Variants in CUBN observed in about 807,000 individuals in gnomAD.
CUBN encodes cubilin.
In CUBN, 282 loss-of-function variants were observed where a neutral mutation model predicts 405.3. The ratio of observed to expected loss-of-function variants is 0.70; its 90% CI spans 0.63 to 0.77. CUBN has a LOEUF of 0.77. Among genes scored for constraint, CUBN ranks in the 30% least tolerant of loss-of-function variants. The pLI is 0.00. For missense variants in CUBN, 4,514 were observed against 4,475.2 expected (o/e 1.01, Z -0.25); for synonymous variants, 1,684 against 1,617.0 (o/e 1.04, Z -0.99).
intron 19 of CUBN, among the ~76,000 whole-genome samples, chr10:17,069,561 T>C (rs1835690037): frequency 6.6e-6 from 1 of 152,224 alleles, no homozygotes; most frequent in South Asian, 2.1e-4. Context: ...TTCTTTTTTT[T>C]GATACAGGGT....
At chr10:16,944,983 T>C (rs1030426806) in intron 36 of CUBN, among the ~76,000 whole-genome samples, 13 of 152,256 alleles carry the variant, frequency 8.5e-5, no homozygotes, top group African/African-American at 3.1e-4. Flanking sequence ...TTCACAGTCC[T>C]AGAAATTTGA....
intron 59 of CUBN, among the ~76,000 whole-genome samples, chr10:16,853,868 C>T (rs757977489): frequency 3.9e-5 from 6 of 152,060 alleles, no homozygotes; most frequent in Non-Finnish European, 5.9e-5. Context: ...CACAGAAGAA[C>T]GATGACTGAG....
chr10:16,828,726 A>G, intron 66 of CUBN, 79 bp downstream of exon 66: 1 of 1,215,266 alleles, frequency 8.2e-7, no homozygotes, highest in Non-Finnish European at 1.2e-6. Flanking sequence ...CCATCTTAAA[A>G]AAAAAAAAAG....
chr10:16,875,799 G>C (rs1158061387), intron 57 of CUBN, among the ~76,000 whole-genome samples: 4 of 152,224 alleles, frequency 2.6e-5, no homozygotes, highest in Non-Finnish European at 5.9e-5. Context: ...CTACTTCCTT[G>C]TAGGAAAATG....
chr10:17,066,462 C>T (rs943072060), intron 21 of CUBN, among the ~76,000 whole-genome samples: 4 of 151,392 alleles, frequency 2.6e-5, no homozygotes, highest in Admixed American at 1.3e-4. Flanking sequence ...ATGTTGAGTA[C>T]GGGAAATGGA....
intron 31 of CUBN, among the ~76,000 whole-genome samples, chr10:16,963,420 C>G (rs1046400829): frequency 1.3e-5 from 2 of 151,948 alleles, no homozygotes; most frequent in Non-Finnish European, 2.9e-5. Context: ...CTCCTGACCT[C>G]AAGCAATCCA....
rs371929088 is a variant in CUBN at position 17,041,245 on chromosome 10, A to G, written c.3830-25T>C. ...GCTGGAAAAAGAAATGACTGTTAAG[A>G]ACCACTATTATATACTTCATAAGTG... On this transcript the variant is annotated intron_variant, in intron 26 of 66. Transcript: ENST00000377833. The G allele has an allele frequency of 2.3e-5, 36 of 1,586,828 alleles. No homozygotes were observed. In the East Asian group the frequency reaches 7.6e-4, roughly 34 times the overall value.
intron 17 of CUBN, 122 bp from the exon 18 acceptor site, chr10:17,072,093 C>T: frequency 1.3e-6 from 1 of 760,188 alleles, no homozygotes. Context: ...ATTTGAGTTA[C>T]ATATTTCTAT....
chr10:16,928,272 A>T lies in CUBN; in HGVS notation c.6156T>A (p.Val2052=), dbSNP rs747700152. 1.2e-5 allele frequency: 20 copies of T among 1,613,954 alleles called. No individual in the cohort carries two copies. Among genetic ancestry groups the T allele is most frequent in the Non-Finnish European group, 1.6e-5 (19 of 1,179,890 alleles). ...GDNNLAQQLA[V]LCGREIPGPI... Reference sequence around the variant, plus strand: ...GCCCAGGGATCTCTCTGCCACAGAGAACTGCTAGCTGCTGGGCCAAGTTAT... The same window carrying T: ...GCCCAGGGATCTCTCTGCCACAGAGTACTGCTAGCTGCTGGGCCAAGTTAT... The change falls in exon 41 of 67, where the codon GTT becomes GTA. Residue 2052 remains valine (V), a synonymous_variant. Transcript: ENST00000377833.
chr10:17,020,464 TG>T (rs1305918280), intron 27 of CUBN, among the ~76,000 whole-genome samples: 1 of 152,172 alleles, frequency 6.6e-6, no homozygotes, highest in African/African-American at 2.4e-5. Context: ...TCATAGAAAA[TG>T]GGGTAGCCAT....
Position 16,960,751 on chromosome 10 carries a change from G to T in CUBN, c.4696-6203C>A, listed in dbSNP as rs572565939. 1.2e-4 allele frequency among the ~76,000 whole-genome samples: 18 copies of T among 152,224 alleles called. 1 individual carries two copies. Among genetic ancestry groups the T allele is most frequent in the Admixed American group, 8.5e-4 (13 of 15,290 alleles). On this transcript the variant is annotated intron_variant, in intron 31 of 66. Transcript: ENST00000377833. ...TAAACACATAGTAGACACAATTGTGGGTAAGAGGTTAGTCACAGGGGGACG... is the reference window on the plus strand; with the variant it reads ...TAAACACATAGTAGACACAATTGTGTGTAAGAGGTTAGTCACAGGGGGACG...
At chr10:16,832,378 T>A (rs933268238) in intron 64 of CUBN, among the ~76,000 whole-genome samples, 1 of 152,214 alleles carries the variant, frequency 6.6e-6, no homozygotes, top group African/African-American at 2.4e-5. Flanking sequence ...AGTTAAGACA[T>A]CTTGCTGGGC....
intron 6 of CUBN, among the ~76,000 whole-genome samples, chr10:17,120,063 A>T (rs1057209778): frequency 1.3e-5 from 2 of 152,232 alleles, no homozygotes; most frequent in African/African-American, 4.8e-5. Flanking sequence ...TGCCATGACT[A>T]CATTTTTGCA....
Position 16,899,171 on chromosome 10 carries a change from A to G in CUBN, c.8423T>C (p.Ile2808Thr). 6.2e-7 allele frequency: 1 copy of G among 1,613,962 alleles called. No individual in the cohort carries two copies. Among genetic ancestry groups the G allele is most frequent in the Non-Finnish European group, 8.5e-7 (1 of 1,179,792 alleles). The change falls in exon 54 of 67, where the codon ATA becomes ACA. Residue 2808 changes from isoleucine (I) to threonine (T), a missense_variant. Physicochemically the swap from Ile to Thr is moderately conservative, Grantham distance 89. Transcript: ENST00000377833. ...GATTGTACCATTATCAGAATGAAATATTCCACCACAACCTGAAATATTGCC... is the reference window on the plus strand; with the variant it reads ...GATTGTACCATTATCAGAATGAAATGTTCCACCACAACCTGAAATATTGCC... ...WNTQTLGCGG[I>T]FHSDNGTIRS...
At chr10:17,071,671 A>G in intron 18 of CUBN, 67 bp from the exon 19 acceptor site, 1 of 1,534,860 alleles carries the variant, frequency 6.5e-7, no homozygotes, top group South Asian at 1.1e-5. Context: ...TTTTATTGCA[A>G]AATCTAATAC....
intron 40 of CUBN, among the ~76,000 whole-genome samples, chr10:16,930,817 C>A (rs1360047730): frequency 6.6e-6 from 1 of 152,156 alleles, no homozygotes; most frequent in Non-Finnish European, 1.5e-5. Context: ...TGATGACAGG[C>A]CAATTGCATG....
At chr10:16,841,905 T>A (rs1304302648) in intron 60 of CUBN, among the ~76,000 whole-genome samples, 1 of 58,292 alleles carries the variant, frequency 1.7e-5, no homozygotes, top group African/African-American at 5.5e-5. Flanking sequence ...AGTGCAAGAC[T>A]GTCTCAAAAA....
At chr10:16,972,131 G>C (rs1434579897) in intron 31 of CUBN, among the ~76,000 whole-genome samples, 1 of 152,066 alleles carries the variant, frequency 6.6e-6, no homozygotes, top group African/African-American at 2.4e-5. Flanking sequence ...TCTCCACCAA[G>C]CACTCAGCGC....
At chr10:17,088,381 T>C (rs778764036) in intron 14 of CUBN, 36 bp from the exon 15 acceptor site, 3 of 1,536,274 alleles carry the variant, frequency 2.0e-6, no homozygotes, top group Non-Finnish European at 2.7e-6. Context: ...TACATTTGTA[T>C]AGATGCTATA....
Sources: allele counts gnomAD v4.1 joint callset (sites outside exome capture counted in the v4.1 genomes callset), GRCh38; gene constraint gnomAD v4.1.1; transcripts MANE v1.5; gene names NCBI Gene and HGNC (gene_info 2026-07-23, HGNC 2026-07-21).